Variants in ADCY2 observed in about 807,000 individuals in gnomAD.
ADCY2 encodes adenylate cyclase 2.
In ADCY2, 31 loss-of-function variants were observed where a neutral mutation model predicts 125.2. The ratio of observed to expected loss-of-function variants is 0.25; its 90% CI spans 0.19 to 0.33. The LOEUF is 0.33. Ranked by LOEUF, ADCY2 falls within the 10% of genes least tolerant of loss-of-function variation. The probability of loss-of-function intolerance (pLI) is 1.00; values close to 1 mark genes in which losing one functional copy is unlikely to be tolerated. For synonymous variants in ADCY2, 512 were observed against 548.4 expected (o/e 0.93, Z 0.93); for missense variants, 904 against 1,418.2 (o/e 0.64, Z 5.82).
intron 22 of ADCY2, among the ~76,000 whole-genome samples, chr5:7,815,310 C>T (rs1167739600): frequency 6.6e-6 from 1 of 152,146 alleles, no homozygotes; most frequent in Non-Finnish European, 1.5e-5. Flanking sequence ...TGAGGGATGC[C>T]GACTTGAAAA....
chr5:7,645,146 C>T (rs886651623), intron 4 of ADCY2, among the ~76,000 whole-genome samples: 1 of 152,138 alleles, frequency 6.6e-6, no homozygotes, highest in African/African-American at 2.4e-5. Context: ...ATAACATTAC[C>T]TGCCTTAGTC....
Position 7,433,429 on chromosome 5 carries a change from T to C in ADCY2, c.408+18659T>C, listed in dbSNP as rs1041459179. Among the ~76,000 whole-genome samples the C allele has an allele frequency of 7.2e-5, 11 of 152,228 alleles. No homozygotes were observed. In the East Asian group the frequency reaches 2.1e-3, roughly 29 times the overall value. On this transcript the variant is annotated intron_variant, in intron 2 of 24. Transcript: ENST00000338316. Reference sequence around the variant, plus strand: ...CATACATGGTTTGTGTGTGTGTGTGTGCACACACACATACAATGCCTAGGT... The same window carrying C: ...CATACATGGTTTGTGTGTGTGTGTGCGCACACACACATACAATGCCTAGGT...
chr5:7,546,699 A>T (rs1365233549), intron 3 of ADCY2, among the ~76,000 whole-genome samples: 4 of 152,230 alleles, frequency 2.6e-5, no homozygotes, highest in African/African-American at 9.6e-5. Flanking sequence ...TAAGATGCAC[A>T]ACCTGCTAGA....
chr5:7,433,320 T>C (rs1740674453), intron 2 of ADCY2, among the ~76,000 whole-genome samples: 1 of 152,238 alleles, frequency 6.6e-6, no homozygotes, highest in South Asian at 2.1e-4. Context: ...ACATATTTTA[T>C]TAATTTTTTT....
intron 3 of ADCY2, among the ~76,000 whole-genome samples, chr5:7,606,364 G>T (rs1322112551): frequency 2.6e-5 from 4 of 152,200 alleles, no homozygotes; most frequent in Admixed American, 6.5e-5. Flanking sequence ...CAGTGTTCCT[G>T]TTTGGGCTTA....
intron 22 of ADCY2, among the ~76,000 whole-genome samples, chr5:7,805,203 T>C (rs1744720172): frequency 6.7e-6 from 1 of 150,270 alleles, no homozygotes; most frequent in Non-Finnish European, 1.5e-5. Context: ...GCACTTGTGG[T>C]CCCTGTTACT....
At chr5:7,722,948 G>A (rs950525368) in intron 12 of ADCY2, among the ~76,000 whole-genome samples, 89 of 83,920 alleles carry the variant, frequency 1.1e-3, no homozygotes, top group African/African-American at 4.1e-3. Flanking sequence ...CAACAAGAGC[G>A]AAACTCCATC....
intron 14 of ADCY2, among the ~76,000 whole-genome samples, chr5:7,735,923 C>G (rs1742235891): frequency 6.6e-6 from 1 of 152,154 alleles, no homozygotes; most frequent in South Asian, 2.1e-4. Flanking sequence ...TTGGGCCAGG[C>G]ATGCTAGCTC....
At chr5:7,430,065 G>T (rs1258789058) in intron 2 of ADCY2, among the ~76,000 whole-genome samples, 2 of 151,938 alleles carry the variant, frequency 1.3e-5, no homozygotes. Context: ...AGTTTAATAA[G>T]GAAATATTAT....
At chr5:7,654,140 G>A (rs934528836) in intron 4 of ADCY2, 4 of 455,916 alleles carry the variant, frequency 8.8e-6, no homozygotes, top group Non-Finnish European at 1.8e-5. Flanking sequence ...AGGAGATAAA[G>A]AGAAGTCAGG....
At chr5:7,611,751 G>A (rs1324207533) in intron 3 of ADCY2, among the ~76,000 whole-genome samples, 1 of 152,144 alleles carries the variant, frequency 6.6e-6, no homozygotes, top group Non-Finnish European at 1.5e-5. Flanking sequence ...AAAAGTGTGT[G>A]TGAAGCCCAC....
chr5:7,627,094 C>T (rs1738158779), intron 4 of ADCY2, among the ~76,000 whole-genome samples: 1 of 152,126 alleles, frequency 6.6e-6, no homozygotes, highest in African/African-American at 2.4e-5. Context: ...CCCCTCATCG[C>T]CCCCTCACCG....
chr5:7,784,473 G>A (rs767933566), intron 19 of ADCY2, 24 bp downstream of exon 19: 6 of 1,526,214 alleles, frequency 3.9e-6, no homozygotes, highest in East Asian at 4.5e-5. Context: ...TTATATATAT[G>A]TATGTATACC....
At chr5:7,483,768 A>G (rs762801625) in intron 2 of ADCY2, among the ~76,000 whole-genome samples, 1 of 152,140 alleles carries the variant, frequency 6.6e-6, no homozygotes, top group Non-Finnish European at 1.5e-5. Flanking sequence ...CCTTCCTCCT[A>G]TGAATGGCCT....
intron 3 of ADCY2, among the ~76,000 whole-genome samples, chr5:7,597,506 G>A (rs902989042): frequency 6.6e-6 from 1 of 152,222 alleles, no homozygotes; most frequent in Non-Finnish European, 1.5e-5. Flanking sequence ...CAGGCGCAGT[G>A]GCTCACGCCT....
chr5:7,634,813 G>T (rs1457206332), intron 4 of ADCY2, among the ~76,000 whole-genome samples: 2 of 151,874 alleles, frequency 1.3e-5, no homozygotes, highest in African/African-American at 4.8e-5. Flanking sequence ...TCTAATAGCA[G>T]GTGATAGACT....
intron 21 of ADCY2, among the ~76,000 whole-genome samples, 181 bp from the exon 22 acceptor site, chr5:7,804,404 C>T (rs779639341): frequency 2.6e-5 from 4 of 152,194 alleles, no homozygotes; most frequent in Admixed American, 1.3e-4. Context: ...CAAGGACATG[C>T]GCTGTATGAA....
intron 2 of ADCY2, among the ~76,000 whole-genome samples, chr5:7,432,487 A>G (rs539647945): frequency 6.6e-6 from 1 of 152,288 alleles, no homozygotes; most frequent in East Asian, 1.9e-4. Context: ...GCCAGCGCCC[A>G]AAAGCATTCA....
intron 7 of ADCY2, among the ~76,000 whole-genome samples, chr5:7,705,560 G>C (rs1021031893): frequency 6.6e-6 from 1 of 152,114 alleles, no homozygotes; most frequent in Non-Finnish European, 1.5e-5. Flanking sequence ...CCGGAGGTGG[G>C]GACACCCCGG....
Sources: gnomAD v4.1 joint callset for allele counts (sites outside exome capture counted in the v4.1 genomes callset) on GRCh38, gnomAD v4.1.1 for gene constraint, MANE v1.5 for transcripts, NCBI Gene and HGNC (gene_info 2026-07-23, HGNC 2026-07-21) for gene names.